TEAD1: variants seen among roughly 807,000 people sequenced by gnomAD.
TEAD1 encodes transcriptional enhancer factor TEF-1.
Under a neutral mutation model 54.9 loss-of-function variants are expected in TEAD1, and 9 were observed. The observed-to-expected ratio is 0.16, with a 90% CI of 0.10 to 0.29. The LOEUF is 0.29. TEAD1 is among the 10% of genes least tolerant of loss of function. The pLI, the probability that TEAD1 is intolerant of heterozygous loss-of-function variation, is 1.00. For synonymous variants in TEAD1, 200 were observed against 187.8 expected, an observed-to-expected ratio of 1.07 and a Z score of -0.53; for missense variants, 387 against 535.9, an observed-to-expected ratio of 0.72 and a Z score of 2.74.
In TEAD1 at chr11:12,749,646, G is replaced by A. The variant is rs568619617; in HGVS notation, c.-54-14533G>A. The stretch of plus-strand genomic sequence containing the variant: ...CGCAGGCCTGATGTCAGACATGAGC[G>A]CATCAGACTTTCTGTCCGTACCTCT... On this transcript the variant is annotated intron_variant, in intron 2 of 12. Coordinates refer to ENST00000527636, the MANE Select transcript of TEAD1 (RefSeq NM_021961.6). 7.2e-5 allele frequency among the ~76,000 whole-genome samples: 11 copies of A among 152,322 alleles called. No individual in the cohort carries two copies. In the East Asian group the frequency reaches 1.7e-3, roughly 24 times the overall value.
intron 3 of TEAD1, among the ~76,000 whole-genome samples, chr11:12,787,152 G>T (rs1590151070): frequency 1.3e-5 from 2 of 152,112 alleles, no homozygotes; most frequent in African/African-American, 4.8e-5. Flanking sequence ...CTGAAAGCAA[G>T]CCTGGGCCCA....
chr11:12,849,107 G>C (rs1947215672), intron 3 of TEAD1: 1 of 152,180 alleles, frequency 6.6e-6, no homozygotes, highest in South Asian at 2.1e-4. Flanking sequence ...GAGTGCAGTG[G>C]CACTGTCTGG....
chr11:12,722,594 T>G (rs1406177356), intron 2 of TEAD1, among the ~76,000 whole-genome samples: 3 of 152,092 alleles, frequency 2.0e-5, no homozygotes, highest in African/African-American at 7.2e-5. Flanking sequence ...TCCTGATGGA[T>G]TATTTGAATG....
intron 9 of TEAD1, among the ~76,000 whole-genome samples, chr11:12,890,222 T>C (rs16911712): frequency 0.12 from 17,746 of 152,224 alleles, 1,226 homozygotes; most frequent in South Asian, 0.24. Flanking sequence ...ACCATGTCAC[T>C]GTACTTTTGA....
chr11:12,923,368 G>C (rs1948848327), intron 10 of TEAD1, among the ~76,000 whole-genome samples: 1 of 152,098 alleles, frequency 6.6e-6, no homozygotes, highest in Admixed American at 6.5e-5. Context: ...ATCATTAGAA[G>C]TGTCCCTGAC....
chr11:12,816,083 G>A (rs1946408416), intron 3 of TEAD1, among the ~76,000 whole-genome samples: 1 of 152,228 alleles, frequency 6.6e-6, no homozygotes, highest in Non-Finnish European at 1.5e-5. Flanking sequence ...CTGCCTTCCT[G>A]TCTCTTCTGT....
intron 5 of TEAD1, among the ~76,000 whole-genome samples, chr11:12,869,688 T>C (rs1947698718): frequency 6.6e-6 from 1 of 152,186 alleles, no homozygotes; most frequent in African/African-American, 2.4e-5. Context: ...TTTTTTTTAA[T>C]GAAAAATCAA....
At chr11:12,773,856 C>T (rs921942570) in intron 3 of TEAD1, among the ~76,000 whole-genome samples, 4 of 152,174 alleles carry the variant, frequency 2.6e-5, no homozygotes, top group South Asian at 2.1e-4. Context: ...AGTCTGAGAA[C>T]TCATTGCCTA....
At chr11:12,778,529 C>CT (rs775536398) in intron 3 of TEAD1, among the ~76,000 whole-genome samples, 8,748 of 125,768 alleles carry the variant, frequency 0.07, 818 homozygotes, top group East Asian at 0.39. Context: ...TCATCAGACT[C>CT]TTTTTTTTTT....
chr11:12,759,936 T>C lies in TEAD1; in HGVS notation c.-54-4243T>C, dbSNP rs1373952150. 2.0e-5 allele frequency among the ~76,000 whole-genome samples: 3 copies of C among 152,342 alleles called. No individual in the cohort carries two copies. In the East Asian group the frequency reaches 5.8e-4, roughly 29 times the overall value. ...CCTTGAAGGCATTCTGTGAAAACGG[T>C]TACTACCCTGAACCACACTGCCCAT... On this transcript the variant is annotated intron_variant, in intron 2 of 12. Coordinates refer to ENST00000527636, the MANE Select transcript of TEAD1 (RefSeq NM_021961.6).
chr11:12,750,342 G>C (rs1944844645), intron 2 of TEAD1, among the ~76,000 whole-genome samples: 1 of 152,092 alleles, frequency 6.6e-6, no homozygotes, highest in African/African-American at 2.4e-5. Flanking sequence ...ATCAGGTACC[G>C]AGCAGAGTTA....
intron 3 of TEAD1, among the ~76,000 whole-genome samples, chr11:12,853,521 A>G (rs1049026346): frequency 3.3e-5 from 5 of 152,228 alleles, no homozygotes; most frequent in African/African-American, 1.2e-4. Flanking sequence ...TCATTAGAGG[A>G]TTAAGAAAGT....
At chr11:12,782,371 C>T (rs797015575) in intron 3 of TEAD1, among the ~76,000 whole-genome samples, 18 of 152,232 alleles carry the variant, frequency 1.2e-4, no homozygotes, top group African/African-American at 3.1e-4. Flanking sequence ...ACATATTGTA[C>T]GATTCCATTT....
chr11:12,747,083 G>A (rs1006650945), intron 2 of TEAD1, among the ~76,000 whole-genome samples: 2 of 152,218 alleles, frequency 1.3e-5, no homozygotes, highest in Non-Finnish European at 2.9e-5. Flanking sequence ...TGTGGTTCTA[G>A]TCTAAGGTAT....
chr11:12,735,057 G>T (rs1277997776), intron 2 of TEAD1, among the ~76,000 whole-genome samples: 4 of 152,220 alleles, frequency 2.6e-5, no homozygotes. Context: ...TTAAAATGGG[G>T]ATGTGGGGAA....
chr11:12,895,569 C>T (rs1948299133), intron 9 of TEAD1, among the ~76,000 whole-genome samples: 1 of 152,186 alleles, frequency 6.6e-6, no homozygotes, highest in Non-Finnish European at 1.5e-5. Flanking sequence ...GAGTAAACAT[C>T]CTGAAGTAAT....
At chr11:12,752,986 T>C (rs942462886) in intron 2 of TEAD1, among the ~76,000 whole-genome samples, 3 of 151,690 alleles carry the variant, frequency 2.0e-5, no homozygotes, top group Non-Finnish European at 4.4e-5. Context: ...ACTACAGGCA[T>C]GCGCCACCAA....
chr11:12,681,614 A>G (rs1386091923), intron 2 of TEAD1, among the ~76,000 whole-genome samples: 4 of 152,224 alleles, frequency 2.6e-5, no homozygotes, highest in Non-Finnish European at 5.9e-5. Flanking sequence ...AGCTTAGGGA[A>G]TCTGCACTTA....
At chr11:12,758,290 G>A (rs1336297507) in intron 2 of TEAD1, among the ~76,000 whole-genome samples, 1 of 151,170 alleles carries the variant, frequency 6.6e-6, no homozygotes, top group Non-Finnish European at 1.5e-5. Context: ...GCCCAGGCTG[G>A]AGTGCAGTGG....
Sources: allele counts gnomAD v4.1 joint callset (sites outside exome capture counted in the v4.1 genomes callset), GRCh38; gene constraint gnomAD v4.1.1; transcripts MANE v1.5; gene names NCBI Gene and HGNC (gene_info 2026-07-23, HGNC 2026-07-21).